ZNF676: variants seen among roughly 807,000 people sequenced by gnomAD.
The protein encoded by ZNF676 is zinc finger protein 676.
In ZNF676, 4 loss-of-function variants were observed where a neutral mutation model predicts 6.0. That is an observed-to-expected ratio of 0.67 (90% CI 0.33 to 1.53). The LOEUF (loss-of-function observed/expected upper bound fraction) is 1.53. ZNF676 is among the 40% of genes most tolerant of loss of function. The pLI is 0.06. For missense variants in ZNF676, 644 were observed against 679.7 expected, an observed-to-expected ratio of 0.95 and a Z score of 0.58; for synonymous variants, 198 against 223.1, an observed-to-expected ratio of 0.89 and a Z score of 1.00.
the ZNF676 span, among the ~76,000 whole-genome samples, chr19:22,225,629 A>T: frequency 6.6e-6 from 1 of 152,202 alleles, no homozygotes; most frequent in African/African-American, 2.4e-5. Flanking sequence ...TAAAAAATTG[A>T]TAGTGGCCGT....
At chr19:22,191,289 GAC>G (rs1355280496) in intron 2 of ZNF676, among the ~76,000 whole-genome samples, 3 of 152,258 alleles carry the variant, frequency 2.0e-5, no homozygotes, top group Non-Finnish European at 4.4e-5. Context: ...CCCTGCTCTT[GAC>G]TACAGACCAG....
chr19:22,194,407 G>A (rs1378058383), intron 1 of ZNF676, among the ~76,000 whole-genome samples: 1 of 152,180 alleles, frequency 6.6e-6, no homozygotes, highest in East Asian at 1.9e-4. Flanking sequence ...AAGCTTGTCA[G>A]AATGCAGGAA....
intron 1 of ZNF676, among the ~76,000 whole-genome samples, chr19:22,194,211 T>C (rs2023943351): frequency 6.6e-6 from 1 of 152,198 alleles, no homozygotes; most frequent in Admixed American, 6.5e-5. Context: ...CTACATGTCA[T>C]GCAGGGATCA....
chr19:22,214,018 A>G (rs1393844192), intron 1 of ZNF676, among the ~76,000 whole-genome samples: 2 of 152,240 alleles, frequency 1.3e-5, no homozygotes, highest in African/African-American at 4.8e-5. Context: ...ATGTGCCATC[A>G]AATGCTTTGT....
chr19:22,227,240 C>G, the ZNF676 span, among the ~76,000 whole-genome samples: 1 of 152,126 alleles, frequency 6.6e-6, no homozygotes, highest in Admixed American at 6.5e-5. Context: ...GGAAACAGAA[C>G]AACATGCTCC....
rs2145776470 is a variant in ZNF676 at position 22,180,698 on chromosome 19, T to C, written c.1019A>G (p.Glu340Gly). 1 of 1,612,178 alleles carries C rather than the reference T, an allele frequency of 6.2e-7. No individual in the cohort carries two copies. The highest frequency in any genetic ancestry group is 8.5e-7 in the Non-Finnish European group (1 of 1,179,246). The change falls in exon 3 of 3, where the codon GAA becomes GGA. Residue 340 changes from glutamate to glycine, a missense_variant. Around this residue, in one of 5 missense-constraint regions of ZNF676, gnomAD observed 29 missense variants for 44.4 expected, o/e 0.65. Coordinates refer to ENST00000397121, the MANE Select transcript of ZNF676 (RefSeq NM_001001411.3). Reference protein sequence around the residue: ...IHAGEKPYKCEECGKAFNRSS... With the variant: ...IHAGEKPYKCGECGKAFNRSS... ...TCGATTAAAAGCTTTCCCGCATTCT[T>C]CACATTTGTAGGGTTTCTCTCCAGC...
intron 1 of ZNF676, among the ~76,000 whole-genome samples, chr19:22,207,364 A>G (rs904650958): frequency 3.3e-5 from 5 of 152,370 alleles, no homozygotes; most frequent in Admixed American, 6.5e-5. Flanking sequence ...AAAGAATAAC[A>G]TATCTAGAAA....
At chr19:22,236,058 T>C in the ZNF676 span, among the ~76,000 whole-genome samples, 1 of 151,580 alleles carries the variant, frequency 6.6e-6, no homozygotes, top group African/African-American at 2.4e-5. Flanking sequence ...AATGGGGATG[T>C]GGTAGGAATC....
At chr19:22,235,573 G>T in the ZNF676 span, among the ~76,000 whole-genome samples, 4 of 152,154 alleles carry the variant, frequency 2.6e-5, no homozygotes, top group Admixed American at 6.6e-5. Context: ...GAGCTAGAAG[G>T]TCCCTAAATT....
the ZNF676 span, among the ~76,000 whole-genome samples, chr19:22,237,545 T>C: frequency 3.3e-5 from 5 of 152,186 alleles, no homozygotes; most frequent in African/African-American, 1.2e-4. Context: ...AGTCTACTTA[T>C]ATGCCTAGAA....
the ZNF676 span, among the ~76,000 whole-genome samples, chr19:22,222,590 T>C: frequency 6.6e-6 from 1 of 152,198 alleles, no homozygotes; most frequent in South Asian, 2.1e-4. Flanking sequence ...TAGTTTTGCA[T>C]TGCATTGGTT....
chr19:22,209,387 T>A (rs752531064), intron 1 of ZNF676, among the ~76,000 whole-genome samples: 104 of 149,592 alleles, frequency 7.0e-4, no homozygotes, highest in Non-Finnish European at 1.0e-3. Context: ...AGATCACTAT[T>A]CTTAGAAAAC....
the ZNF676 span, among the ~76,000 whole-genome samples, chr19:22,253,019 A>G: frequency 6.6e-6 from 1 of 152,186 alleles, no homozygotes; most frequent in South Asian, 2.1e-4. Context: ...ATAACCCACA[A>G]TCTCAACAGT....
the ZNF676 span, among the ~76,000 whole-genome samples, chr19:22,250,073 T>C: frequency 1.3e-5 from 2 of 151,182 alleles, no homozygotes; most frequent in African/African-American, 4.9e-5. Flanking sequence ...CCCCAAATAC[T>C]AGGGAGGCTG....
chr19:22,190,664 T>TATATATATAG, intron 2 of ZNF676, among the ~76,000 whole-genome samples: 1 of 111,816 alleles, frequency 8.9e-6, no homozygotes, highest in East Asian at 2.2e-4. Flanking sequence ...TATATATATA[T>TATATATATAG]ACATACACAC....
At chr19:22,234,978 A>G in the ZNF676 span, among the ~76,000 whole-genome samples, 3 of 76,818 alleles carry the variant, frequency 3.9e-5, no homozygotes, top group Admixed American at 1.5e-4. Context: ...GAAAGAAAGA[A>G]AGAAAGAAAG....
chr19:22,195,351 TC>T lies in ZNF676; in HGVS notation c.34+1248del, dbSNP rs891230216. On this transcript the variant is annotated intron_variant, in intron 1 of 2. Transcript: ENST00000397121. ...CCGTCTTGGCACATTTTGGGTCGCA[TC>T]CCTGGGCTATGGATTTCTAATAATC... Among the ~76,000 whole-genome samples, 87 of 152,194 alleles carry T rather than the reference TC, an allele frequency of 5.7e-4. 2 individuals are homozygous for T. Among genetic ancestry groups the T allele is most frequent in the Admixed American group, 5.2e-4 (8 of 15,280 alleles).
chr19:22,253,370 GTGTATATA>G, the ZNF676 span, among the ~76,000 whole-genome samples: 1 of 60,090 alleles, frequency 1.7e-5, no homozygotes, highest in African/African-American at 6.1e-5. Flanking sequence ...GTGTGTGTGT[GTGTATATA>G]TATATATATA....
upstream of ZNF676, among the ~76,000 whole-genome samples, chr19:22,197,442 TAA>T (rs1167823327): frequency 1.5e-4 from 23 of 151,148 alleles, no homozygotes; most frequent in African/African-American, 5.6e-4. Flanking sequence ...ATGTGTGCAA[TAA>T]GCTAGAGATC....
Sources: allele counts gnomAD v4.1 joint callset (sites outside exome capture counted in the v4.1 genomes callset), GRCh38; gene constraint gnomAD v4.1.1; regional missense constraint gnomAD v4.1.1; transcripts MANE v1.5; gene names NCBI Gene and HGNC (gene_info 2026-07-23, HGNC 2026-07-21).